The following ELMO1 variants were observed in gnomAD, a reference collection of about 807,000 sequenced individuals.
ELMO1 encodes engulfment and cell motility protein 1.
In ELMO1, 26 loss-of-function variants were observed where a neutral mutation model predicts 98.9. That is an observed-to-expected ratio of 0.26 (90% confidence interval 0.19 to 0.36). ELMO1 has a LOEUF of 0.36. Ranked by LOEUF, ELMO1 falls within the 10% of genes least tolerant of loss-of-function variation. ELMO1 has a pLI of 1.00. For synonymous variants in ELMO1, 346 were observed against 346.0 expected, an observed-to-expected ratio of 1.00 and a Z score of 0.00; for missense variants, 627 against 935.2, an observed-to-expected ratio of 0.67 and a Z score of 4.30.
intron 16 of ELMO1, among the ~76,000 whole-genome samples, chr7:36,956,976 G>T (rs1490695770): frequency 2.0e-5 from 3 of 152,198 alleles, no homozygotes; most frequent in Non-Finnish European, 4.4e-5. Flanking sequence ...TCCAAGTTAT[G>T]TTCCATGGTA....
intron 13 of ELMO1, among the ~76,000 whole-genome samples, chr7:37,205,100 T>A (rs1792539286): frequency 6.6e-6 from 1 of 152,184 alleles, no homozygotes; most frequent in Non-Finnish European, 1.5e-5. Context: ...TCATTACCAT[T>A]TAAGAGCAGA....
intron 1 of ELMO1, among the ~76,000 whole-genome samples, chr7:37,402,472 C>T (rs1019030076): frequency 6.6e-6 from 1 of 152,128 alleles, no homozygotes; most frequent in African/African-American, 2.4e-5. Flanking sequence ...GGTGTTTCCC[C>T]TTCCTCTTTC....
At chr7:37,143,495 C>T (rs920853215) in intron 13 of ELMO1, among the ~76,000 whole-genome samples, 2 of 152,012 alleles carry the variant, frequency 1.3e-5, no homozygotes, top group African/African-American at 2.4e-5. Flanking sequence ...CAACCTCCGC[C>T]TCCCAGGTTC....
At chr7:37,142,795 A>G (rs1295003123) in intron 13 of ELMO1, among the ~76,000 whole-genome samples, 22 of 152,220 alleles carry the variant, frequency 1.4e-4, no homozygotes, top group East Asian at 3.8e-4. Flanking sequence ...TTTCAAAAAT[A>G]AATACGTAAG....
Position 37,135,305 on chromosome 7 carries a change from G to A in ELMO1, c.1087-2071C>T, listed in dbSNP as rs116678273. Among the ~76,000 whole-genome samples the A allele has an allele frequency of 2.7e-3, 408 of 152,334 alleles. 2 individuals carry two copies. The highest frequency in any genetic ancestry group is 9.5e-3 in the African/African-American group (394 of 41,576). ...TCCATTTGGAAGGATAGAGTAGCATGTGGAGACTTACATCATGAACTTTTG... is the reference window on the plus strand; with the variant it reads ...TCCATTTGGAAGGATAGAGTAGCATATGGAGACTTACATCATGAACTTTTG... On this transcript the variant is annotated intron_variant, in intron 13 of 21. Coordinates refer to ENST00000310758, the MANE Select transcript of ELMO1 (RefSeq NM_014800.11).
intron 2 of ELMO1, among the ~76,000 whole-genome samples, chr7:37,322,895 C>T (rs977402057): frequency 1.3e-5 from 2 of 152,114 alleles, no homozygotes; most frequent in Non-Finnish European, 1.5e-5. Context: ...CAAATCATCA[C>T]TAAATATCTT....
At chr7:36,931,778 G>A (rs902866048) in intron 16 of ELMO1, among the ~76,000 whole-genome samples, 26 of 152,172 alleles carry the variant, frequency 1.7e-4, no homozygotes, top group African/African-American at 5.6e-4. Flanking sequence ...CTTGAGCTGC[G>A]TAACCTTGGG....
intron 16 of ELMO1, among the ~76,000 whole-genome samples, chr7:36,974,822 A>G (rs1331750420): frequency 6.6e-6 from 1 of 152,186 alleles, no homozygotes; most frequent in Non-Finnish European, 1.5e-5. Flanking sequence ...GAAGGTCTGC[A>G]GCTTCACTCC....
intron 4 of ELMO1, among the ~76,000 whole-genome samples, chr7:37,277,512 T>C (rs993066595): frequency 4.6e-5 from 7 of 152,186 alleles, no homozygotes; most frequent in African/African-American, 1.7e-4. Context: ...TCTTGAAAGG[T>C]AGACTGATCT....
At chr7:37,104,243 G>A (rs1784819727) in intron 14 of ELMO1, among the ~76,000 whole-genome samples, 1 of 151,144 alleles carries the variant, frequency 6.6e-6, no homozygotes, top group South Asian at 2.1e-4. Context: ...GAATATAATT[G>A]TTACTGTAAA....
At chr7:36,860,526 C>A (rs1235941221) in intron 21 of ELMO1, among the ~76,000 whole-genome samples, 1 of 152,090 alleles carries the variant, frequency 6.6e-6, no homozygotes, top group Non-Finnish European at 1.5e-5. Flanking sequence ...TCTGGCAGTC[C>A]CAGAGCATTT....
Position 37,096,063 on chromosome 7 carries a change from T to C in ELMO1, c.1300+556A>G, listed in dbSNP as rs372064234. ...TCATCCTTTCTTTTTCTGTATGTAC[T>C]CTCATAAATTTTGTGATATAAGAAA... is the stretch of plus-strand genomic sequence containing the variant. On this transcript the variant is annotated intron_variant, in intron 15 of 21. Coordinates refer to ENST00000310758, the MANE Select transcript of ELMO1 (RefSeq NM_014800.11). 2.2e-4 allele frequency among the ~76,000 whole-genome samples: 33 copies of C among 152,342 alleles called. No homozygotes were observed. The East Asian group carries it at 2.7e-3, about 12-fold the overall frequency.
chr7:37,138,218 C>G (rs1259805259), intron 13 of ELMO1, among the ~76,000 whole-genome samples: 1 of 149,230 alleles, frequency 6.7e-6, no homozygotes, highest in Admixed American at 6.7e-5. Flanking sequence ...CAGAGCAGAA[C>G]TAAATGAAAT....
intron 10 of ELMO1, 24 bp from the exon 11 acceptor site, chr7:37,216,719 A>G (rs1375967693): frequency 6.2e-7 from 1 of 1,608,612 alleles, no homozygotes; most frequent in South Asian, 1.1e-5. Flanking sequence ...ACACACCCAC[A>G]CAAAGGCTTA....
intron 1 of ELMO1, among the ~76,000 whole-genome samples, chr7:37,412,023 C>A (rs1804011591): frequency 7.7e-6 from 1 of 130,502 alleles, no homozygotes; most frequent in Non-Finnish European, 1.8e-5. Flanking sequence ...CCTACCTCTG[C>A]TCTCTCTCAC....
rs755843379 is a variant in ELMO1 at position 37,263,061 on chromosome 7, T to C, written c.244-3711A>G. On this transcript the variant is annotated intron_variant, in intron 5 of 21. Coordinates refer to ENST00000310758, the MANE Select transcript of ELMO1 (RefSeq NM_014800.11). ...AACTGGTGGGACCCTTTTAATGCAA[T>C]ATTTTTCCAATTGGATCCAGAACAG... Among the ~76,000 whole-genome samples, 9 of 152,306 alleles carry C rather than the reference T, an allele frequency of 5.9e-5. No individual in the cohort carries two copies. In the South Asian group the frequency reaches 8.3e-4, roughly 14 times the overall value.
intron 6 of ELMO1, among the ~76,000 whole-genome samples, chr7:37,248,218 C>G (rs1000122160): frequency 2.7e-5 from 4 of 147,866 alleles, no homozygotes; most frequent in African/African-American, 1.0e-4. Context: ...GTGTGTGTGT[C>G]TCAATATACC....
intron 13 of ELMO1, among the ~76,000 whole-genome samples, chr7:37,200,681 T>C (rs1249774786): frequency 6.6e-6 from 1 of 152,110 alleles, no homozygotes; most frequent in Non-Finnish European, 1.5e-5. Flanking sequence ...AATTCCCCTT[T>C]ATGGCCAGGC....
chr7:37,012,654 A>G lies in ELMO1; in HGVS notation c.1437+645T>C, dbSNP rs112227857. ...TTCCCTCTGCTGGTTATTCACACACAAATGGAAATGTGAAAGTCACACTCT... is the reference window on the plus strand; with the variant it reads ...TTCCCTCTGCTGGTTATTCACACACGAATGGAAATGTGAAAGTCACACTCT... On this transcript the variant is annotated intron_variant, in intron 16 of 21. Transcript: ENST00000310758. Among the ~76,000 whole-genome samples the G allele has an allele frequency of 7.1e-3, 1,076 of 152,322 alleles. 10 individuals are homozygous for G. The highest frequency in any genetic ancestry group is 0.025 in the African/African-American group (1,022 of 41,552).
Sources: gnomAD v4.1 joint callset for allele counts (sites outside exome capture counted in the v4.1 genomes callset) on GRCh38, gnomAD v4.1.1 for gene constraint, MANE v1.5 for transcripts, NCBI Gene and HGNC (gene_info 2026-07-23, HGNC 2026-07-21) for gene names.